RTN1: variants seen among roughly 807,000 people sequenced by gnomAD.
RTN1 encodes reticulon-1.
Under a neutral mutation model 65.5 loss-of-function variants are expected in RTN1, and 25 were observed. That is an observed-to-expected ratio of 0.38 (90% CI 0.28 to 0.53). The LOEUF (loss-of-function observed/expected upper bound fraction) is 0.53. RTN1 is among the 20% of genes least tolerant of loss of function. The pLI is 0.79. For missense variants in RTN1, 983 were observed against 1,025.4 expected, an observed-to-expected ratio of 0.96 and a Z score of 0.57; for synonymous variants, 471 against 447.6, an observed-to-expected ratio of 1.05 and a Z score of -0.66.
intron 2 of RTN1, among the ~76,000 whole-genome samples, chr14:59,733,451 G>C (rs1884943426): frequency 6.6e-6 from 1 of 152,076 alleles, no homozygotes. Context: ...AGGCCTCCCA[G>C]CTGGCCCCTC....
chr14:59,768,181 T>C (rs1180842007), intron 1 of RTN1, among the ~76,000 whole-genome samples: 1 of 152,202 alleles, frequency 6.6e-6, no homozygotes, highest in Admixed American at 6.5e-5. Context: ...GAAAGAATGG[T>C]CCTATTATCT....
chr14:59,858,834 A>G (rs1467351208), intron 1 of RTN1, among the ~76,000 whole-genome samples: 1 of 152,252 alleles, frequency 6.6e-6, no homozygotes, highest in Non-Finnish European at 1.5e-5. Context: ...AAAACATTTT[A>G]AAATATGTTG....
intron 3 of RTN1, among the ~76,000 whole-genome samples, chr14:59,683,466 C>G (rs1883784160): frequency 6.7e-6 from 1 of 149,722 alleles, no homozygotes; most frequent in African/African-American, 2.5e-5. Context: ...AAAAAAAAAG[C>G]TTAGTTAGAA....
In RTN1 at chr14:59,746,182, T is replaced by A. The variant is rs943235682; in HGVS notation, c.541A>T (p.Ile181Phe). The A allele has an allele frequency of 6.2e-7, 1 of 1,608,616 alleles. No homozygotes were observed. Among genetic ancestry groups the A allele is most frequent in the Non-Finnish European group, 8.5e-7 (1 of 1,178,088 alleles). ...TPAESTEVNK[I>F]LADPLDQMKA... ...ATCTGGTCCAGAGGGTCTGCTAAGATCTTGTTCACTTCCGTGGACTCTGCA... is the reference window on the plus strand; with the variant it reads ...ATCTGGTCCAGAGGGTCTGCTAAGAACTTGTTCACTTCCGTGGACTCTGCA... Residue 181 changes from isoleucine (I) to phenylalanine (F), a missense_variant, in exon 2 of 9, where the codon ATC becomes TTC. By Grantham distance (21) the Ile-to-Phe change is conservative (BLOSUM62 0). Transcript: ENST00000267484.
chr14:59,636,331 G>C (rs990357839), intron 3 of RTN1, among the ~76,000 whole-genome samples: 2 of 152,106 alleles, frequency 1.3e-5, no homozygotes, highest in Non-Finnish European at 2.9e-5. Context: ...GGTTGTTTAA[G>C]AGTCTGGGAC....
At chr14:59,813,503 C>G (rs1886766265) in intron 1 of RTN1, among the ~76,000 whole-genome samples, 1 of 152,170 alleles carries the variant, frequency 6.6e-6, no homozygotes, top group Admixed American at 6.5e-5. Context: ...TCTACTTATT[C>G]CATTTGAATA....
At chr14:59,733,194 C>A (rs1884938064) in intron 2 of RTN1, among the ~76,000 whole-genome samples, 1 of 151,964 alleles carries the variant, frequency 6.6e-6, no homozygotes, top group Admixed American at 6.6e-5. Context: ...CGGGTTCAAG[C>A]AATTCTCCTG....
chr14:59,727,322 C>T lies in RTN1; in HGVS notation c.1362G>A (p.Leu454=), dbSNP rs1884792498. 6.7e-7 allele frequency: 1 copy of T among 1,499,136 alleles called. No individual in the cohort carries two copies. Among genetic ancestry groups the T allele is most frequent in the East Asian group, 2.5e-5 (1 of 40,816 alleles). The allele number at this position is 1,499,136 out of a possible 1,614,324, so 92.9% of individuals were successfully genotyped here. The change falls in exon 3 of 9, where the codon CTG becomes CTA. Residue 454 remains leucine, a synonymous_variant. Coordinates refer to ENST00000267484, the MANE Select transcript of RTN1 (RefSeq NM_021136.3). The surrounding 1 kb of genome is among the most constrained non-coding windows in gnomAD (Gnocchi z 4.2). ...CCAGCTCGGCCTCGCGCTCCTCCCT[C>T]AGGATGCTGTACTGGATGGATGGCG... ...PASPSIQYSI[L]REEREAELDS...
intron 3 of RTN1, among the ~76,000 whole-genome samples, chr14:59,666,450 G>A (rs1375271201): frequency 6.6e-6 from 1 of 152,092 alleles, no homozygotes; most frequent in Non-Finnish European, 1.5e-5. Context: ...AGTGTGTAGA[G>A]GGAAATTTAT....
intron 3 of RTN1, among the ~76,000 whole-genome samples, chr14:59,619,435 T>C (rs1432217811): frequency 6.6e-6 from 1 of 152,236 alleles, no homozygotes; most frequent in African/African-American, 2.4e-5. Flanking sequence ...TTAAATGACT[T>C]GCTCTTTAGG....
chr14:59,636,472 T>G (rs1882667955), intron 3 of RTN1, among the ~76,000 whole-genome samples: 1 of 152,204 alleles, frequency 6.6e-6, no homozygotes, highest in Non-Finnish European at 1.5e-5. Flanking sequence ...CGTGGCATAC[T>G]TGTACAGCCC....
chr14:59,619,328 G>T (rs1013995046), intron 3 of RTN1, among the ~76,000 whole-genome samples: 5 of 152,186 alleles, frequency 3.3e-5, no homozygotes, highest in Non-Finnish European at 5.9e-5. Context: ...TGACATCTAA[G>T]CAGGGCATTC....
intron 2 of RTN1, among the ~76,000 whole-genome samples, chr14:59,736,263 T>A (rs57471614): frequency 0.015 from 2,320 of 151,516 alleles, 63 homozygotes; most frequent in African/African-American, 0.053. Context: ...AAAATAATTT[T>A]AAAAATCAAC....
intron 3 of RTN1, among the ~76,000 whole-genome samples, chr14:59,634,256 G>T (rs1033210407): frequency 2.0e-5 from 3 of 152,128 alleles, no homozygotes; most frequent in Non-Finnish European, 2.9e-5. Context: ...TTTCATGACA[G>T]AATGTAATAA....
At chr14:59,808,618 T>C (rs908250463) in intron 1 of RTN1, among the ~76,000 whole-genome samples, 2 of 152,110 alleles carry the variant, frequency 1.3e-5, no homozygotes, top group Non-Finnish European at 2.9e-5. Context: ...AAGAACTGTA[T>C]ATGGATCTGT....
intron 1 of RTN1, among the ~76,000 whole-genome samples, chr14:59,793,138 A>G (rs1013051578): frequency 6.6e-6 from 1 of 152,246 alleles, no homozygotes; most frequent in African/African-American, 2.4e-5. Context: ...AACATACATC[A>G]TATTCTACAG....
At chr14:59,840,358 T>C (rs1594762732) in intron 1 of RTN1, among the ~76,000 whole-genome samples, 2 of 152,336 alleles carry the variant, frequency 1.3e-5, no homozygotes, top group Admixed American at 6.5e-5. Context: ...AAAGCCACCC[T>C]GTCCTCTCCA....
intron 3 of RTN1, among the ~76,000 whole-genome samples, chr14:59,653,838 A>G (rs1883066023): frequency 6.6e-6 from 1 of 152,190 alleles, no homozygotes. Context: ...TCATTCAACA[A>G]TGGATAGAAC....
chr14:59,689,976 GTAA>G (rs1287850127), intron 3 of RTN1, among the ~76,000 whole-genome samples: 8 of 122,126 alleles, frequency 6.6e-5, no homozygotes, highest in Non-Finnish European at 1.2e-4. Context: ...AATCTTGAAT[GTAA>G]TTTCCTTTTT....
Sources: gnomAD v4.1 joint callset for allele counts (sites outside exome capture counted in the v4.1 genomes callset) on GRCh38, gnomAD v4.1.1 for gene constraint, Gnocchi (gnomAD v3.1) non-coding constraint, MANE v1.5 for transcripts, NCBI Gene and HGNC (gene_info 2026-07-23, HGNC 2026-07-21) for gene names.